Variants in PLA2G4A observed in about 807,000 individuals in gnomAD.
The protein encoded by PLA2G4A is phospholipase A2 group IVA, also known as cytosolic phospholipase A2.
Under a neutral mutation model 81.9 loss-of-function variants are expected in PLA2G4A, and 40 were observed. The ratio of observed to expected loss-of-function variants is 0.49; its 90% CI spans 0.38 to 0.64. The LOEUF (loss-of-function observed/expected upper bound fraction) is 0.64. Ranked by LOEUF, PLA2G4A falls within the 30% of genes least tolerant of loss-of-function variation. PLA2G4A has a pLI of 0.00. For synonymous variants in PLA2G4A, 302 were observed against 296.9 expected (o/e 1.02, Z -0.18); for missense variants, 715 against 905.1 (o/e 0.79, Z 2.69).
chr1:186,950,833 C>T lies in PLA2G4A; in HGVS notation c.1336+105C>T, dbSNP rs958695700. On this transcript the variant is annotated intron_variant, in intron 13 of 17. Transcript: ENST00000367466. ...TGCTGATGGTAATCTTCACTTCAGA[C>T]ACGGAAGTGATAAAATTGTAGCTTT... 5 of 726,122 alleles carry T rather than the reference C, an allele frequency of 6.9e-6. No individual in the cohort carries two copies. In the Admixed American group the frequency reaches 9.9e-5, roughly 14 times the overall value. 45.0% of individuals were successfully genotyped at this position (726,122 alleles called of 1,614,324 possible). A position where few individuals can be genotyped will look rare whatever the true frequency, so the allele number is the denominator to read the frequency against.
chr1:186,854,025 G>A (rs1652467402), intron 1 of PLA2G4A, among the ~76,000 whole-genome samples: 1 of 151,844 alleles, frequency 6.6e-6, no homozygotes. Flanking sequence ...CAAATGAAAA[G>A]CAACACAAGC....
At chr1:186,844,969 G>A (rs376023402) in intron 1 of PLA2G4A, among the ~76,000 whole-genome samples, 1 of 152,076 alleles carries the variant, frequency 6.6e-6, no homozygotes, top group Non-Finnish European at 1.5e-5. Context: ...CCCAACTTTG[G>A]GAGGCCAAGG....
intron 1 of PLA2G4A, among the ~76,000 whole-genome samples, chr1:186,843,109 T>C: frequency 6.6e-6 from 1 of 152,190 alleles, no homozygotes; most frequent in East Asian, 1.9e-4. Context: ...TTAGTTTGTG[T>C]TGTCAGTTAA....
At chr1:186,853,977 T>C (rs2102026878) in intron 1 of PLA2G4A, among the ~76,000 whole-genome samples, 1 of 152,096 alleles carries the variant, frequency 6.6e-6, no homozygotes, top group African/African-American at 2.4e-5. Context: ...TAATTTTAAG[T>C]TTCCGTAATT....
At chr1:186,982,671 T>TTG (rs60587210) in intron 17 of PLA2G4A, among the ~76,000 whole-genome samples, 141,070 of 150,874 alleles carry the variant, frequency 0.94, 66,150 homozygotes, top group East Asian at 0.99. Context: ...TAACTCCTCT[T>TTG]TGTGTGTGTG....
At chr1:186,854,973 G>A (rs1482833782) in intron 2 of PLA2G4A, among the ~76,000 whole-genome samples, 3 of 151,852 alleles carry the variant, frequency 2.0e-5, no homozygotes, top group African/African-American at 7.2e-5. Context: ...TTGAGACTCA[G>A]GTTTATAAGA....
At chr1:186,843,786 C>A (rs1652071829) in intron 1 of PLA2G4A, among the ~76,000 whole-genome samples, 1 of 152,194 alleles carries the variant, frequency 6.6e-6, no homozygotes, top group African/African-American at 2.4e-5. Context: ...TTTCCACTTC[C>A]TCTTACTATA....
chr1:186,951,627 G>A (rs898065558), intron 13 of PLA2G4A, among the ~76,000 whole-genome samples: 1 of 152,084 alleles, frequency 6.6e-6, no homozygotes, highest in African/African-American at 2.4e-5. Flanking sequence ...ACTAGGCATG[G>A]AAGAGCCTGT....
chr1:186,957,305 C>T (rs6685207), intron 14 of PLA2G4A, among the ~76,000 whole-genome samples: 145,770 of 152,276 alleles, frequency 0.96, 69,812 homozygotes, highest in East Asian at 1. Context: ...TCCAAACTTT[C>T]AGGAATTTAA....
chr1:186,909,518 G>C (rs1654864457), intron 6 of PLA2G4A, among the ~76,000 whole-genome samples: 1 of 151,478 alleles, frequency 6.6e-6, no homozygotes, highest in South Asian at 2.1e-4. Flanking sequence ...AAATTAGCCA[G>C]GTGTATTGGT....
At chr1:186,955,011 A>G (rs757571118) in intron 13 of PLA2G4A, among the ~76,000 whole-genome samples, 2 of 152,186 alleles carry the variant, frequency 1.3e-5, no homozygotes, top group African/African-American at 2.4e-5. Context: ...GAGGAAATGG[A>G]GGAAGAGAAG....
At chr1:186,859,175 G>A (rs180949818) in intron 2 of PLA2G4A, among the ~76,000 whole-genome samples, 43 of 152,196 alleles carry the variant, frequency 2.8e-4, no homozygotes, top group African/African-American at 8.9e-4. Context: ...GTGATGCAGG[G>A]ACATGTTGGA....
chr1:186,906,670 T>C (rs1654748450), intron 5 of PLA2G4A, among the ~76,000 whole-genome samples: 1 of 152,172 alleles, frequency 6.6e-6, no homozygotes, highest in Non-Finnish European at 1.5e-5. Flanking sequence ...TTGTAAATAG[T>C]AGTTGTGGTG....
At chr1:186,969,863 A>G (rs1015843012) in intron 15 of PLA2G4A, among the ~76,000 whole-genome samples, 1 of 151,956 alleles carries the variant, frequency 6.6e-6, no homozygotes, top group Non-Finnish European at 1.5e-5. Flanking sequence ...TAGTGCTGCA[A>G]TCAGCATGGG....
intron 12 of PLA2G4A, among the ~76,000 whole-genome samples, chr1:186,947,604 T>C (rs1485437826): frequency 6.6e-6 from 1 of 152,174 alleles, no homozygotes; most frequent in African/African-American, 2.4e-5. Context: ...ATTAATAAAT[T>C]TGACTTAAAG....
intron 7 of PLA2G4A, among the ~76,000 whole-genome samples, chr1:186,930,758 T>A (rs150824753): frequency 2.7e-4 from 41 of 152,292 alleles, no homozygotes; most frequent in Non-Finnish European, 5.4e-4. Flanking sequence ...AAATTGTTTT[T>A]CCTCAATGCC....
At chr1:186,916,242 C>G (rs1214784641) in intron 7 of PLA2G4A, among the ~76,000 whole-genome samples, 1 of 152,194 alleles carries the variant, frequency 6.6e-6, no homozygotes, top group Admixed American at 6.5e-5. Context: ...AGGTCACACG[C>G]TCCCCTTTTT....
At chr1:186,925,211 G>A (rs1655505802) in intron 7 of PLA2G4A, among the ~76,000 whole-genome samples, 1 of 152,142 alleles carries the variant, frequency 6.6e-6, no homozygotes, top group Non-Finnish European at 1.5e-5. Flanking sequence ...ATTCCTGCCA[G>A]CATCTCAAAC....
At chr1:186,970,708 G>A (rs4650713) in intron 15 of PLA2G4A, among the ~76,000 whole-genome samples, 146,106 of 152,120 alleles carry the variant, frequency 0.96, 70,243 homozygotes, top group East Asian at 1. Flanking sequence ...TTGCAAATGA[G>A]TTGAACTGCA....
Sources: allele counts gnomAD v4.1 joint callset (sites outside exome capture counted in the v4.1 genomes callset), GRCh38; gene constraint gnomAD v4.1.1; transcripts MANE v1.5; gene names NCBI Gene and HGNC (gene_info 2026-07-23, HGNC 2026-07-21).